PLCD3: variants seen among roughly 807,000 people sequenced by gnomAD.
PLCD3 encodes phospholipase C delta 3.
A neutral mutation model predicts 82.8 loss-of-function variants in PLCD3; 62 were observed. The ratio of observed to expected loss-of-function variants is 0.75; its 90% CI spans 0.61 to 0.93. The LOEUF is 0.93. Ranked by LOEUF, PLCD3 falls within the 40% of genes least tolerant of loss-of-function variation. The pLI is 0.00. For synonymous variants in PLCD3, 478 were observed against 471.8 expected, an observed-to-expected ratio of 1.01 and a Z score of -0.17; for missense variants, 1,023 against 1,103.4, an observed-to-expected ratio of 0.93 and a Z score of 1.03.
Position 45,113,132 on chromosome 17 carries a change from C to T in PLCD3, c.2121G>A (p.Val707=), listed in dbSNP as rs1490938438. ...CCAGTGGCTGCCCACCATTGTTGAG[C>T]ACGTAGTCAGTCTCCTGCCGGGCAC... The part of the protein sequence containing the change: ...ADCARQETDY[V]LNNGFNPRWG... Residue 707 remains valine, a synonymous_variant, in exon 13 of 15, where the codon GTG becomes GTA. Transcript: ENST00000619929. 2 of 1,613,382 alleles carry T rather than the reference C, an allele frequency of 1.2e-6. No individual in the cohort carries two copies. The highest frequency in any genetic ancestry group is 2.2e-5 in the East Asian group (1 of 44,878).
Position 45,115,256 on chromosome 17 carries a change from G to A in PLCD3, c.1561-12C>T, listed in dbSNP as rs578055555. On this transcript the variant is annotated splice_polypyrimidine_tract_variant and intron_variant, in intron 9 of 14. Coordinates refer to ENST00000619929, the MANE Select transcript of PLCD3 (RefSeq NM_133373.5). Reference sequence around the variant, plus strand: ...GAGATCTGCTTGGCCTAGGAGACCAGGCTCAGCGGGGTTCAGCTGGCCCCC... The same window carrying A: ...GAGATCTGCTTGGCCTAGGAGACCAAGCTCAGCGGGGTTCAGCTGGCCCCC... The A allele has an allele frequency of 6.5e-7, 1 of 1,546,878 alleles. No homozygotes were observed. Among genetic ancestry groups the A allele is most frequent in the African/African-American group, 1.4e-5 (1 of 73,922 alleles).
intron 1 of PLCD3, 42 bp from the exon 2 acceptor site, chr17:45,121,414 C>T: frequency 6.9e-7 from 1 of 1,453,108 alleles, no homozygotes; most frequent in South Asian, 1.4e-5. Flanking sequence ...CCGTACCTGC[C>T]CAGAGGCTCC....
intron 4 of PLCD3, among the ~76,000 whole-genome samples, chr17:45,119,289 A>G (rs1403507767): frequency 6.6e-6 from 1 of 152,204 alleles, no homozygotes; most frequent in Non-Finnish European, 1.5e-5. Context: ...GCGCAGTGGC[A>G]TGATCATAGC....
intron 3 of PLCD3, among the ~76,000 whole-genome samples, 196 bp from the exon 4 acceptor site, chr17:45,120,650 C>T (rs1290093784): frequency 2.0e-5 from 3 of 152,204 alleles, no homozygotes; most frequent in African/African-American, 7.2e-5. Context: ...ACAGGAGGCC[C>T]TGTCTTCACC....
chr17:45,113,389 T>C (rs2054264436), intron 12 of PLCD3, 50 bp downstream of exon 12: 1 of 1,562,960 alleles, frequency 6.4e-7, no homozygotes, highest in Non-Finnish European at 8.7e-7. Flanking sequence ...ACAAAGAGCC[T>C]TTCTAGAACC....
At chr17:45,121,610 C>T (rs2054341756) in intron 1 of PLCD3, among the ~76,000 whole-genome samples, 2 of 152,196 alleles carry the variant, frequency 1.3e-5, no homozygotes, top group Non-Finnish European at 2.9e-5. Context: ...TACCCCATCT[C>T]CCTCCTTCCT....
At chr17:45,124,280 C>T (rs9890150) in intron 1 of PLCD3, among the ~76,000 whole-genome samples, 4 of 152,254 alleles carry the variant, frequency 2.6e-5, no homozygotes, top group African/African-American at 4.8e-5. Flanking sequence ...GCAGCCTGAA[C>T]GCCTGACTGG....
chr17:45,121,396 GCGTCAGGCCGTAC>G (rs1567881915), intron 1 of PLCD3, 24 bp from the exon 2 acceptor site: 1 of 1,484,058 alleles, frequency 6.7e-7, no homozygotes, highest in Admixed American at 2.2e-5. Flanking sequence ...AGGACCCGGG[GCGTCAGGCCGTAC>G]CTGCCCAGAG....
chr17:45,120,137 C>G (rs562565313), intron 4 of PLCD3, among the ~76,000 whole-genome samples, 188 bp downstream of exon 4: 4 of 152,262 alleles, frequency 2.6e-5, no homozygotes, highest in Non-Finnish European at 5.9e-5. Flanking sequence ...CCCTTCCTGG[C>G]CCAGTGGCCT....
rs1244228944 is a variant in PLCD3 at position 45,115,158 on chromosome 17, G to A, written c.1647C>T (p.Ala549=). The change falls in exon 10 of 15, where the codon GCC becomes GCT. Residue 549 remains alanine (A), a synonymous_variant. Transcript: ENST00000619929. ...GGGAGCTGACCTGGCAGGGTTGTGGGGCGTTGGGGGCAGGGTGCAGGGTCC... is the reference window on the plus strand; with the variant it reads ...GGGAGCTGACCTGGCAGGGTTGTGGAGCGTTGGGGGCAGGGTGCAGGGTCC... ...RLRTLHPAPN[A]PQPCQVSSLS... 1 of 1,598,494 alleles carries A rather than the reference G, an allele frequency of 6.3e-7. No homozygotes were observed. The highest frequency in any genetic ancestry group is 8.5e-7 in the Non-Finnish European group (1 of 1,172,702).
rs771669043 is a variant in PLCD3 at position 45,121,201 on chromosome 17, G to T, written c.325+10C>A. Reference sequence around the variant, plus strand: ...CCTCCCTGTCCGCCCGGCGCTCCCCGGCCTCTCACAGATGTGCTGCGATGG... The same window carrying T: ...CCTCCCTGTCCGCCCGGCGCTCCCCTGCCTCTCACAGATGTGCTGCGATGG... On this transcript the variant is annotated intron_variant, in intron 2 of 14. Transcript: ENST00000619929. 1.2e-5 allele frequency: 19 copies of T among 1,567,248 alleles called. No homozygotes were observed. The highest frequency in any genetic ancestry group is 1.6e-5 in the Non-Finnish European group (19 of 1,165,812).
chr17:45,132,012 C>G lies in PLCD3; in HGVS notation c.163+236G>C, dbSNP rs1295794552. 2.0e-5 allele frequency among the ~76,000 whole-genome samples: 3 copies of G among 152,226 alleles called. No homozygotes were observed. Among genetic ancestry groups the G allele is most frequent in the Non-Finnish European group, 4.4e-5 (3 of 68,032 alleles). ...GTGCCCGAATTCGCGCTTCAGACGC[C>G]CCGCGAGCGCCCCCTGGTGGGAAGC... On this transcript the variant is annotated intron_variant, in intron 1 of 14. Transcript: ENST00000619929. The surrounding 1 kb of genome is among the most constrained non-coding windows in gnomAD (Gnocchi z 4.6).
At position 45,112,946 on chromosome 17, in the gene PLCD3, C is replaced by T. The variant is rs1407147160; in HGVS notation, c.2198G>A (p.Arg733Gln). 10 of 1,612,814 alleles carry T rather than the reference C, an allele frequency of 6.2e-6. No homozygotes were observed. The highest frequency in any genetic ancestry group is 2.2e-5 in the South Asian group (2 of 90,872). The change falls in exon 14 of 15, where the codon CGG (arginine) becomes CAG (glutamine). Residue 733 changes from arginine (R) to glutamine (Q), a missense_variant. Physicochemically the swap from Arg to Gln is conservative, Grantham distance 43. Around this residue, in one of 3 missense-constraint regions of PLCD3, gnomAD observed 553 missense variants for 655.7 expected, o/e 0.84. Coordinates refer to ENST00000619929, the MANE Select transcript of PLCD3 (RefSeq NM_133373.5). ...QLRAPELALVRFVVEDYDATS... is the reference protein window; with the variant it reads ...QLRAPELALVQFVVEDYDATS... ...GGCGTCATAATCTTCCACCACAAAC[C>T]GGACCAGTGCCAGCTCCGGAGCCCG... is the stretch of plus-strand genomic sequence containing the variant.
chr17:45,122,718 C>T (rs929010330), intron 1 of PLCD3, among the ~76,000 whole-genome samples: 1 of 152,148 alleles, frequency 6.6e-6, no homozygotes, highest in Non-Finnish European at 1.5e-5. Flanking sequence ...GACACTGTGC[C>T]CCGGAGAGTT....
chr17:45,115,530 T>C (rs755822516), intron 8 of PLCD3, 40 bp from the exon 9 acceptor site: 76 of 1,542,114 alleles, frequency 4.9e-5, no homozygotes, highest in Non-Finnish European at 6.3e-5. Context: ...TTAGGCCTTC[T>C]CGCCCCTGTG....
chr17:45,117,236 C>T (rs747035356), intron 7 of PLCD3, among the ~76,000 whole-genome samples: 4 of 152,118 alleles, frequency 2.6e-5, no homozygotes, highest in Non-Finnish European at 4.4e-5. Context: ...AGAGCCACCA[C>T]GCCTGGCCGA....
intron 14 of PLCD3, 31 bp downstream of exon 14, chr17:45,112,832 T>A (rs1380115845): frequency 6.2e-7 from 1 of 1,609,986 alleles, no homozygotes. Flanking sequence ...TGGACCCACA[T>A]CCCTCTCCAT....
In PLCD3 at chr17:45,114,330, G is replaced by T. The variant is rs2054272299; in HGVS notation, c.1748C>A (p.Thr583Asn). Residue 583 changes from threonine (T) to asparagine (N), a missense_variant, in exon 11 of 15, where the codon ACC (threonine) becomes AAC (asparagine). This residue lies in a region of PLCD3 where 553 missense variants were observed against 655.7 expected (regional missense o/e 0.84). Transcript: ENST00000619929. ...CCGCAGCCCCAGCGGGTACACGCGG[G>T]TCAGCTGGCGGGCATTGTGCCTGAC... ...SFVRHNARQL[T>N]RVYPLGLRMN... 2.6e-6 allele frequency: 4 copies of T among 1,549,312 alleles called. No homozygotes were observed. Among genetic ancestry groups the T allele is most frequent in the Non-Finnish European group, 1.7e-6 (2 of 1,146,166 alleles).
chr17:45,116,183 G>A (rs1055761534), intron 8 of PLCD3, among the ~76,000 whole-genome samples: 1 of 152,248 alleles, frequency 6.6e-6, no homozygotes, highest in Non-Finnish European at 1.5e-5. Context: ...GGGGAGAGCA[G>A]GAGGCCGCCT....
Sources: gnomAD v4.1 joint callset for allele counts (sites outside exome capture counted in the v4.1 genomes callset) on GRCh38, gnomAD v4.1.1 for gene constraint, gnomAD v4.1.1 regional missense constraint, Gnocchi (gnomAD v3.1) non-coding constraint, MANE v1.5 for transcripts, NCBI Gene and HGNC (gene_info 2026-07-23, HGNC 2026-07-21) for gene names.